Variants in ZKSCAN7 observed in about 807,000 individuals in gnomAD.
ZKSCAN7 encodes the protein zinc finger with KRAB and SCAN domains 7.
In ZKSCAN7, 38 loss-of-function variants were observed where a neutral mutation model predicts 65.3. That is an observed-to-expected ratio of 0.58 (90% confidence interval 0.45 to 0.76). The LOEUF (loss-of-function observed/expected upper bound fraction) is 0.76, where lower values mean the gene tolerates loss of function less well. Ranked by LOEUF, ZKSCAN7 falls within the 30% of genes least tolerant of loss-of-function variation. The pLI is 0.00. For synonymous variants in ZKSCAN7, 321 were observed against 321.0 expected (o/e 1.00, Z 0.00); for missense variants, 815 against 913.3 (o/e 0.89, Z 1.39).
intron 5 of ZKSCAN7, 95 bp downstream of exon 5, chr3:44,568,528 T>G: frequency 6.5e-7 from 1 of 1,527,324 alleles, no homozygotes; most frequent in Admixed American, 2.2e-5. Flanking sequence ...CATGAAAATT[T>G]CCAAACATAG....
At chr3:44,572,265 A>T, downstream of ZKSCAN7, 2 of 976,934 alleles carry the variant, frequency 2.0e-6, no homozygotes, top group South Asian at 4.7e-5. Context: ...AATATCACAT[A>T]CAGAGGTCTT....
At chr3:44,565,422 G>A in intron 2 of ZKSCAN7, 65 bp from the exon 3 acceptor site, 1 of 1,465,778 alleles carries the variant, frequency 6.8e-7, no homozygotes, top group Non-Finnish European at 9.1e-7. Context: ...GAGCTGCTTA[G>A]AGGTTTTGGG....
intron 5 of ZKSCAN7, among the ~76,000 whole-genome samples, chr3:44,582,067 T>C (rs1700097391): frequency 6.6e-6 from 1 of 152,234 alleles, no homozygotes; most frequent in Admixed American, 6.5e-5. Flanking sequence ...CATCAGGTCA[T>C]GCTCTGCCCT....
rs1194173568 is a variant in ZKSCAN7, at chr3:44,579,983, G to GT, written c.812-2989_812-2988insT. 3.6e-5 allele frequency: 57 copies of GT among 1,573,798 alleles called. No homozygotes were observed. In the Admixed American group the frequency reaches 5.7e-4, roughly 16 times the overall value. Reference sequence around the variant, plus strand: ...CGTCTGGGAGAGGAGCTTGGGGGGGGGCTTCATTGGTGAAGTCCTGCTTGC... The same window carrying GT: ...CGTCTGGGAGAGGAGCTTGGGGGGGGTGCTTCATTGGTGAAGTCCTGCTTGC... On this transcript the variant is annotated intron_variant, in intron 5 of 5. Coordinates refer to the ZKSCAN7 transcript ENST00000341840.
intron 5 of ZKSCAN7, among the ~76,000 whole-genome samples, chr3:44,579,089 C>T (rs1331843646): frequency 2.6e-5 from 4 of 152,206 alleles, no homozygotes; most frequent in Admixed American, 6.5e-5. Flanking sequence ...CTTCTCTTCC[C>T]GGAGAGGCGT....
chr3:44,570,510 A>T lies in ZKSCAN7; in HGVS notation c.1400A>T (p.Tyr467Phe), dbSNP rs1559429037. The change falls in exon 6 of 6, where the codon TAT (tyrosine) becomes TTT (phenylalanine). Residue 467 changes from tyrosine to phenylalanine, a missense_variant. Coordinates refer to ENST00000426540, the MANE Select transcript of ZKSCAN7 (RefSeq NM_001288590.2). ...HQRLHNGEKP[Y>F]KCNECAKAFT... ...AGACTCCATAATGGGGAGAAACCCT[A>T]TAAATGTAATGAATGTGCAAAAGCC... 6.2e-7 allele frequency: 1 copy of T among 1,614,240 alleles called. No homozygotes were observed. Among genetic ancestry groups the T allele is most frequent in the African/African-American group, 1.3e-5 (1 of 75,056 alleles).
chr3:44,558,481 C>T (rs1226813515), intron 2 of ZKSCAN7, among the ~76,000 whole-genome samples: 7 of 150,944 alleles, frequency 4.6e-5, no homozygotes, highest in African/African-American at 9.8e-5. Flanking sequence ...GCCAAGATCA[C>T]GCCACTGCAC....
chr3:44,581,325 C>A (rs980513868), intron 5 of ZKSCAN7, among the ~76,000 whole-genome samples: 2 of 150,998 alleles, frequency 1.3e-5, no homozygotes, highest in African/African-American at 2.4e-5. Flanking sequence ...CGGTCGCCGC[C>A]GTCCCGGCTC....
chr3:44,575,046 G>A (rs527754258), downstream of ZKSCAN7, among the ~76,000 whole-genome samples: 11 of 151,582 alleles, frequency 7.3e-5, no homozygotes, highest in East Asian at 1.2e-3. Context: ...TAATCCCAGC[G>A]TTTTGGGAGG....
At chr3:44,579,317 C>T (rs991998516) in intron 5 of ZKSCAN7, among the ~76,000 whole-genome samples, 5 of 150,352 alleles carry the variant, frequency 3.3e-5, no homozygotes, top group East Asian at 1.9e-4. Flanking sequence ...CGCCTCAGGG[C>T]GCAGGGGCTC....
intron 5 of ZKSCAN7, chr3:44,578,287 C>G: frequency 1.9e-6 from 3 of 1,581,574 alleles, no homozygotes; most frequent in Non-Finnish European, 2.6e-6. Flanking sequence ...TCTCCTGTTT[C>G]AGGTACTGTA....
At position 44,570,400 on chromosome 3, in the gene ZKSCAN7, C is replaced by G. The variant is rs761279552; in HGVS notation, c.1290C>G (p.Leu430=). Reference sequence around the variant, plus strand: ...AAACCTCCCAGCTCATTGTTCATCTCAGAACCCACACAGGGGAAAAACCCT... The same window carrying G: ...AAACCTCCCAGCTCATTGTTCATCTGAGAACCCACACAGGGGAAAAACCCT... The part of the protein sequence containing the change: ...FRQTSQLIVH[L]RTHTGEKPYE... Residue 430 remains leucine, a synonymous_variant, in exon 6 of 6, where the codon CTC becomes CTG. Transcript: ENST00000426540. 5 of 1,613,702 alleles carry G rather than the reference C, an allele frequency of 3.1e-6. No homozygotes were observed. Among genetic ancestry groups the G allele is most frequent in the Middle Eastern group, 1.6e-4 (1 of 6,062 alleles).
chr3:44,570,458 C>T lies in ZKSCAN7; in HGVS notation c.1348C>T (p.His450Tyr). Residue 450 changes from histidine (H) to tyrosine (Y), a missense_variant, in exon 6 of 6, where the codon CAC becomes TAC. This residue lies in a region of ZKSCAN7 where 578 missense variants were observed against 629.5 expected (regional missense o/e 0.92). Coordinates refer to ENST00000426540, the MANE Select transcript of ZKSCAN7 (RefSeq NM_001288590.2). Reference sequence around the variant, plus strand: ...CAGTGAGTGTGGAAAGGCCTATAGGCACAGCTCCCATCTCATTCAACACCA... The same window carrying T: ...CAGTGAGTGTGGAAAGGCCTATAGGTACAGCTCCCATCTCATTCAACACCA... Reference protein sequence around the residue: ...ECSECGKAYRHSSHLIQHQRL... With the variant: ...ECSECGKAYRYSSHLIQHQRL... 2 of 1,614,100 alleles carry T rather than the reference C, an allele frequency of 1.2e-6. No homozygotes were observed. The highest frequency in any genetic ancestry group is 1.7e-5 in the Admixed American group (1 of 60,010).
chr3:44,562,529 T>C (rs1256109125), intron 2 of ZKSCAN7, among the ~76,000 whole-genome samples: 1 of 152,280 alleles, frequency 6.6e-6, no homozygotes, highest in Non-Finnish European at 1.5e-5. Flanking sequence ...CGGGTTTTTC[T>C]TTTCTACCAC....
At position 44,555,206 on chromosome 3, in the gene ZKSCAN7, C is replaced by T. The variant is rs1353889002; in HGVS notation, c.-394C>T. 5 of 152,260 alleles carry T rather than the reference C, an allele frequency of 3.3e-5. No homozygotes were observed. The highest frequency in any genetic ancestry group is 7.3e-5 in the Non-Finnish European group (5 of 68,044). The allele number at this position is 152,260 out of a possible 1,614,324, so 9.4% of individuals were successfully genotyped here. On this transcript the variant is annotated 5_prime_UTR_variant, in exon 1 of 6. Transcript: ENST00000426540. ...GAGGCCTCTCTCGCTTCCGGCTCGG[C>T]CATTGTTTTTGGTCTAACGGGCAGT...
At chr3:44,577,535 A>T (rs1169006020) in intron 5 of ZKSCAN7, among the ~76,000 whole-genome samples, 1 of 152,096 alleles carries the variant, frequency 6.6e-6, no homozygotes, top group East Asian at 1.9e-4. Flanking sequence ...TGGGGATTCC[A>T]TCTATCTTGA....
At chr3:44,572,409 AGT>A (rs34720095), downstream of ZKSCAN7, among the ~76,000 whole-genome samples, 247 of 144,676 alleles carry the variant, frequency 1.7e-3, 2 homozygotes, top group South Asian at 0.012. Context: ...AAAGAGAGAG[AGT>A]GTGTGTGTGT....
intron 3 of ZKSCAN7, among the ~76,000 whole-genome samples, chr3:44,567,241 G>GGGGAA (rs1393420457): frequency 6.6e-6 from 1 of 151,882 alleles, no homozygotes; most frequent in Non-Finnish European, 1.5e-5. Flanking sequence ...GAAAAGAGGA[G>GGGGAA]GGGAAGGGAA....
Position 44,565,591 on chromosome 3 carries a change from CCCTGGAGCCCA to C in ZKSCAN7, c.538_548del (p.His180SerfsTer3). The C allele has an allele frequency of 6.2e-7, 1 of 1,612,642 alleles. No individual in the cohort carries two copies. ...CCTCACCCCTCAGTGGGGGCTCAGC[CCCTGGAGCCCA>C]CCTGGAGCCTCCTTATGACCCAGGG... On this transcript the variant is annotated frameshift_variant, in exon 3 of 6. Transcript: ENST00000426540. LOFTEE classifies it high-confidence loss of function.
Sources: allele counts gnomAD v4.1 joint callset (sites outside exome capture counted in the v4.1 genomes callset), GRCh38; gene constraint gnomAD v4.1.1; regional missense constraint gnomAD v4.1.1; transcripts MANE v1.5; gene names NCBI Gene and HGNC (gene_info 2026-07-23, HGNC 2026-07-21).